Variants in COL8A1 observed in about 807,000 individuals in gnomAD.
COL8A1 encodes collagen type VIII alpha 1 chain, also known as collagen alpha-1(VIII) chain.
Under a neutral mutation model 42.7 loss-of-function variants are expected in COL8A1, and 21 were observed. The observed-to-expected ratio is 0.49, with a 90% CI of 0.35 to 0.71. The LOEUF is 0.71. Ranked by LOEUF, COL8A1 falls within the 30% of genes least tolerant of loss-of-function variation. COL8A1 has a pLI of 0.01. For missense variants in COL8A1, 788 were observed against 962.4 expected (o/e 0.82, Z 2.40); for synonymous variants, 367 against 369.1 (o/e 0.99, Z 0.06).
intron 1 of COL8A1, among the ~76,000 whole-genome samples, chr3:99,730,972 G>A (rs1180558865): frequency 2.0e-5 from 3 of 151,954 alleles, no homozygotes; most frequent in Admixed American, 2.0e-4. Context: ...GTAGTGCTAA[G>A]TTCTGTGTTT....
At chr3:99,763,097 T>C (rs934914268) in intron 2 of COL8A1, among the ~76,000 whole-genome samples, 2 of 152,200 alleles carry the variant, frequency 1.3e-5, no homozygotes, top group Non-Finnish European at 2.9e-5. Context: ...TCACTAAGGA[T>C]TATGTAACTT....
chr3:99,794,810 A>G lies in COL8A1; in HGVS notation c.909A>G (p.Val303=). ...CTGGGCCACAAGGCCCTATTGGGGT[A>G]CCGGGGGTTCAAGGACCTCCTGGGA... ...GEPGPQGPIG[V]PGVQGPPGIP... is the part of the protein sequence containing the mutation. The change falls in exon 4 of 4, where the codon GTA becomes GTG. Residue 303 remains valine, a synonymous_variant. Transcript: ENST00000652472. This position sits in a 1 kb window ranked among gnomAD's most constrained non-coding sequence, Gnocchi z 4.3. The G allele has an allele frequency of 6.2e-7, 1 of 1,611,592 alleles. No homozygotes were observed. The highest frequency in any genetic ancestry group is 1.1e-5 in the South Asian group (1 of 90,880).
chr3:99,698,276 T>G (rs1253118806), intron 1 of COL8A1, among the ~76,000 whole-genome samples: 1 of 152,222 alleles, frequency 6.6e-6, no homozygotes, highest in Non-Finnish European at 1.5e-5. Context: ...ACAATAAACA[T>G]ATGTGTGCAT....
chr3:99,688,135 G>A (rs537975740), intron 1 of COL8A1, among the ~76,000 whole-genome samples: 49 of 152,310 alleles, frequency 3.2e-4, no homozygotes, highest in African/African-American at 1.2e-3. Flanking sequence ...TATGTTATAT[G>A]TGGAAACACA....
At position 99,793,913 on chromosome 3, in the gene COL8A1, G is replaced by A. The variant is rs534632579; in HGVS notation, c.329-317G>A. 9.7e-4 allele frequency among the ~76,000 whole-genome samples: 147 copies of A among 152,072 alleles called. 1 individual carries two copies. The Middle Eastern group carries it at 0.01, about 11-fold the overall frequency. ...ACTACAGGCATGTGCCACCACACCC[G>A]GCTAATTTTTGTATTTTTAGTAGAG... On this transcript the variant is annotated intron_variant, in intron 3 of 3. Coordinates refer to ENST00000652472, the MANE Select transcript of COL8A1 (RefSeq NM_020351.4).
chr3:99,665,355 A>G lies in COL8A1; in HGVS notation c.-129+26691A>G, dbSNP rs573991590. On this transcript the variant is annotated intron_variant, in intron 1 of 3. Transcript: ENST00000652472. ...TAGTCTCCAACTTTCCCCCATCTTT[A>G]TGTCCTTTCTCAGATAACATGGAGG... 2.4e-4 allele frequency among the ~76,000 whole-genome samples: 36 copies of G among 152,278 alleles called. 1 individual carries two copies. In the South Asian group the frequency reaches 7.5e-3, roughly 32 times the overall value.
chr3:99,746,729 T>C (rs1049624660), intron 2 of COL8A1, among the ~76,000 whole-genome samples: 1 of 152,218 alleles, frequency 6.6e-6, no homozygotes, highest in African/African-American at 2.4e-5. Context: ...AACTATTTCA[T>C]TCAATGGTCA....
At chr3:99,668,409 C>A (rs896214759) in intron 1 of COL8A1, among the ~76,000 whole-genome samples, 2 of 152,052 alleles carry the variant, frequency 1.3e-5, no homozygotes, top group Non-Finnish European at 2.9e-5. Flanking sequence ...TAAGTAAAGT[C>A]GTCATTTTTA....
At chr3:99,700,330 T>C (rs1277442099) in intron 1 of COL8A1, among the ~76,000 whole-genome samples, 1 of 149,056 alleles carries the variant, frequency 6.7e-6, no homozygotes, top group Non-Finnish European at 1.5e-5. Flanking sequence ...TCGCGTGAAA[T>C]GGTGTGCTCC....
intron 1 of COL8A1, among the ~76,000 whole-genome samples, chr3:99,677,163 C>T (rs765129015): frequency 1.3e-5 from 2 of 151,654 alleles, no homozygotes; most frequent in Non-Finnish European, 2.9e-5. Context: ...TATATAAGCA[C>T]ATCAATTTTA....
chr3:99,766,657 G>C (rs1208011369), intron 2 of COL8A1, among the ~76,000 whole-genome samples: 1 of 152,148 alleles, frequency 6.6e-6, no homozygotes, highest in Admixed American at 6.5e-5. Flanking sequence ...GACAGTTAAA[G>C]TTGATGTCCT....
intron 1 of COL8A1, among the ~76,000 whole-genome samples, chr3:99,716,178 A>G (rs1939988909): frequency 6.6e-6 from 1 of 152,062 alleles, no homozygotes; most frequent in African/African-American, 2.4e-5. Flanking sequence ...GCCAGAATTA[A>G]CCAGGAGAGT....
chr3:99,766,986 C>G (rs1941476936), intron 2 of COL8A1, among the ~76,000 whole-genome samples: 1 of 151,606 alleles, frequency 6.6e-6, no homozygotes, highest in Non-Finnish European at 1.5e-5. Context: ...GGGAGGGGGA[C>G]TCTCATGATA....
Position 99,704,988 on chromosome 3 carries a change from G to T in COL8A1, c.-128-39909G>T, listed in dbSNP as rs1221470322. 2.6e-5 allele frequency among the ~76,000 whole-genome samples: 4 copies of T among 152,164 alleles called. No homozygotes were observed. In the East Asian group the frequency reaches 7.7e-4, roughly 29 times the overall value. ...AAGGGACTAGATGTCCAGAAGTTTG[G>T]GAAATAATATATTGCAAGGCAGAAG... On this transcript the variant is annotated intron_variant, in intron 1 of 3. Transcript: ENST00000652472.
intron 1 of COL8A1, among the ~76,000 whole-genome samples, chr3:99,739,244 C>T (rs1286062543): frequency 6.6e-6 from 1 of 152,326 alleles, no homozygotes; most frequent in East Asian, 1.9e-4. Context: ...CATCTTGGCT[C>T]CTCCTCTCCC....
chr3:99,639,691 C>A (rs574156302), intron 1 of COL8A1, among the ~76,000 whole-genome samples: 2 of 152,290 alleles, frequency 1.3e-5, no homozygotes, highest in Admixed American at 6.5e-5. Context: ...TCTGTAAAAC[C>A]AGACACTTGG....
At chr3:99,688,440 G>C (rs1203650707) in intron 1 of COL8A1, among the ~76,000 whole-genome samples, 1 of 152,012 alleles carries the variant, frequency 6.6e-6, no homozygotes, top group African/African-American at 2.4e-5. Context: ...CTCTGCTTTC[G>C]GCAGCACATC....
At chr3:99,709,872 A>G (rs2107356162) in intron 1 of COL8A1, among the ~76,000 whole-genome samples, 1 of 152,320 alleles carries the variant, frequency 6.6e-6, no homozygotes, top group African/African-American at 2.4e-5. Context: ...GATACAGCTA[A>G]AGAGAGATAG....
chr3:99,707,511 G>A lies in COL8A1; in HGVS notation c.-128-37386G>A, dbSNP rs145453726. Among the ~76,000 whole-genome samples, 718 of 152,268 alleles carry A rather than the reference G, an allele frequency of 4.7e-3. 6 individuals are homozygous for A. Among genetic ancestry groups the A allele is most frequent in the African/African-American group, 0.015 (642 of 41,550 alleles). On this transcript the variant is annotated intron_variant, in intron 1 of 3. Coordinates refer to ENST00000652472, the MANE Select transcript of COL8A1 (RefSeq NM_020351.4). ...TAGCCATCACTCCCGAGGGAGTGCA[G>A]GTGTTCAACTCTCCCTGACAAGCAT...
Sources: gnomAD v4.1 joint callset for allele counts (sites outside exome capture counted in the v4.1 genomes callset) on GRCh38, gnomAD v4.1.1 for gene constraint, Gnocchi (gnomAD v3.1) non-coding constraint, MANE v1.5 for transcripts, NCBI Gene and HGNC (gene_info 2026-07-23, HGNC 2026-07-21) for gene names.